SSBP2: variants seen among roughly 807,000 people sequenced by gnomAD.
SSBP2 encodes single-stranded DNA-binding protein 2.
Under a neutral mutation model 61.8 loss-of-function variants are expected in SSBP2, and 17 were observed. That is an observed-to-expected ratio of 0.28 (90% CI 0.19 to 0.41). The LOEUF is 0.41. SSBP2 is among the 10% of genes least tolerant of loss of function. SSBP2 has a pLI of 1.00. For synonymous variants in SSBP2, 139 were observed against 141.3 expected, an observed-to-expected ratio of 0.98 and a Z score of 0.12; for missense variants, 310 against 458.7, an observed-to-expected ratio of 0.68 and a Z score of 2.96.
chr5:81,541,960 A>T (rs1255478262), intron 4 of SSBP2, among the ~76,000 whole-genome samples: 1 of 152,250 alleles, frequency 6.6e-6, no homozygotes, highest in East Asian at 1.9e-4. Flanking sequence ...AAGCAAAGAA[A>T]CTATCAACAG....
chr5:81,592,888 G>A (rs1299678350), intron 4 of SSBP2, among the ~76,000 whole-genome samples: 1 of 152,074 alleles, frequency 6.6e-6, no homozygotes, highest in Non-Finnish European at 1.5e-5. Context: ...ACAAAGATGG[G>A]GAAAAAACAG....
chr5:81,503,783 T>A (rs566445393), intron 5 of SSBP2, among the ~76,000 whole-genome samples: 4 of 152,294 alleles, frequency 2.6e-5, no homozygotes, highest in Admixed American at 6.5e-5. Flanking sequence ...ATATATACCA[T>A]GAAATACTAT....
chr5:81,421,277 G>GGGCTCAGGTGATCCC (rs1408510225), intron 16 of SSBP2, among the ~76,000 whole-genome samples: 25 of 152,114 alleles, frequency 1.6e-4, no homozygotes, highest in Non-Finnish European at 3.5e-4. Flanking sequence ...CTGCAACCCT[G>GGGCTCAGGTGATCCC]ACCTTCCTGG....
At chr5:81,692,676 A>C (rs1385263303) in intron 1 of SSBP2, among the ~76,000 whole-genome samples, 1 of 152,224 alleles carries the variant, frequency 6.6e-6, no homozygotes, top group Non-Finnish European at 1.5e-5. Flanking sequence ...CCAATGAAAC[A>C]GAAAAGAGAA....
intron 4 of SSBP2, among the ~76,000 whole-genome samples, chr5:81,537,812 C>T (rs975133919): frequency 6.6e-6 from 1 of 152,112 alleles, no homozygotes; most frequent in African/African-American, 2.4e-5. Context: ...TGTCCCTCTC[C>T]TCAGGCTTCC....
At chr5:81,566,880 T>C (rs1454561988) in intron 4 of SSBP2, among the ~76,000 whole-genome samples, 1 of 152,182 alleles carries the variant, frequency 6.6e-6, no homozygotes, top group African/African-American at 2.4e-5. Context: ...ACTGGCAGCA[T>C]TTGCCCTTGC....
At position 81,583,239 on chromosome 5, in the gene SSBP2, A is replaced by G. The variant is rs115063659; in HGVS notation, c.282+32234T>C. 6.6e-3 allele frequency among the ~76,000 whole-genome samples: 1,005 copies of G among 152,234 alleles called. 15 individuals carry two copies. The highest frequency in any genetic ancestry group is 0.023 in the African/African-American group (966 of 41,524). ...GTCTCAAAATCAAATCAAATCAAAC[A>G]TAAATAATAAACAAGTATAGGAACT... On this transcript the variant is annotated intron_variant, in intron 4 of 16. Transcript: ENST00000320672.
chr5:81,547,158 C>T (rs1007486481), intron 4 of SSBP2, among the ~76,000 whole-genome samples: 6 of 151,648 alleles, frequency 4.0e-5, no homozygotes, highest in Non-Finnish European at 5.9e-5. Context: ...CCATTGCTGG[C>T]GGAAATGCAA....
chr5:81,560,978 A>G (rs1772999850), intron 4 of SSBP2, among the ~76,000 whole-genome samples: 1 of 152,160 alleles, frequency 6.6e-6, no homozygotes, highest in Non-Finnish European at 1.5e-5. Flanking sequence ...GAACTCAAGA[A>G]AAAAGTGCTC....
intron 4 of SSBP2, among the ~76,000 whole-genome samples, chr5:81,579,750 C>T (rs1774501087): frequency 6.6e-6 from 1 of 152,028 alleles, no homozygotes; most frequent in Non-Finnish European, 1.5e-5. Context: ...GAAATGGAAG[C>T]TGTCAAATAG....
At chr5:81,529,448 G>GATGT (rs1770225305) in intron 4 of SSBP2, among the ~76,000 whole-genome samples, 1 of 152,128 alleles carries the variant, frequency 6.6e-6, no homozygotes, top group Non-Finnish European at 1.5e-5. Flanking sequence ...CTAACACCTT[G>GATGT]ATGTAGCTCA....
At position 81,729,033 on chromosome 5, in the gene SSBP2, T is replaced by C. The variant is rs982961651; in HGVS notation, c.62+21948A>G. On this transcript the variant is annotated intron_variant, in intron 1 of 16. Coordinates refer to ENST00000320672, the MANE Select transcript of SSBP2 (RefSeq NM_012446.5). ...AAAATGATAGGTAAGAGAGGTGATA[T>C]GTTAATTAGCCTGATTTAATCATTC... 3.9e-5 allele frequency among the ~76,000 whole-genome samples: 6 copies of C among 152,322 alleles called. No individual in the cohort carries two copies. The South Asian group carries it at 8.3e-4, about 21-fold the overall frequency.
rs150993817 is a variant in SSBP2, at chr5:81,448,286, A to G, written c.723+504T>C. 2.9e-3 allele frequency among the ~76,000 whole-genome samples: 447 copies of G among 152,332 alleles called. 2 individuals carry two copies. The highest frequency in any genetic ancestry group is 0.011 in the African/African-American group (438 of 41,590). ...GAATTTTTGGAAAATTCTAATGTGT[A>G]CTAAATAGTAATAATGATAAAAATA... On this transcript the variant is annotated intron_variant, in intron 11 of 16. Coordinates refer to ENST00000320672, the MANE Select transcript of SSBP2 (RefSeq NM_012446.5).
At chr5:81,467,101 G>C (rs1453036871) in intron 8 of SSBP2, 36 bp from the exon 9 acceptor site, 1 of 1,434,048 alleles carries the variant, frequency 7.0e-7, no homozygotes. Context: ...CAAAGAGGAG[G>C]GGGGAAAGAA....
intron 4 of SSBP2, among the ~76,000 whole-genome samples, chr5:81,610,780 G>T (rs1250235091): frequency 6.6e-6 from 1 of 152,152 alleles, no homozygotes; most frequent in African/African-American, 2.4e-5. Flanking sequence ...GATCACCTGA[G>T]GTTGGGAGTT....
chr5:81,451,534 G>A (rs886086897), intron 10 of SSBP2, among the ~76,000 whole-genome samples: 5 of 152,004 alleles, frequency 3.3e-5, no homozygotes, highest in African/African-American at 1.2e-4. Flanking sequence ...TCAAGCGATT[G>A]TCCTGCCTCA....
intron 1 of SSBP2, among the ~76,000 whole-genome samples, chr5:81,709,470 T>A (rs1055079025): frequency 6.6e-5 from 10 of 152,000 alleles, no homozygotes; most frequent in African/African-American, 2.4e-4. Flanking sequence ...CAGTTCCTAA[T>A]AATTCCTGAA....
chr5:81,733,880 T>C lies in SSBP2; in HGVS notation c.62+17101A>G, dbSNP rs376672722. On this transcript the variant is annotated intron_variant, in intron 1 of 16. Coordinates refer to ENST00000320672, the MANE Select transcript of SSBP2 (RefSeq NM_012446.5). ...CTTATTTCAAATAGTTAAATGTCCA[T>C]GCATTTAAAGATACAAAACTATTCT... Among the ~76,000 whole-genome samples the C allele has an allele frequency of 2.0e-3, 305 of 152,268 alleles. 2 individuals carry two copies. Among genetic ancestry groups the C allele is most frequent in the African/African-American group, 7.2e-3 (298 of 41,564 alleles).
In SSBP2 at chr5:81,569,773, A is replaced by G. The variant is rs769485676; in HGVS notation, c.282+45700T>C. ...AAAAATCTTCTCACAGGTAGCTGGA[A>G]TAACAGCTGTTGGTGAATAGTCCTA... On this transcript the variant is annotated intron_variant, in intron 4 of 16. Coordinates refer to ENST00000320672, the MANE Select transcript of SSBP2 (RefSeq NM_012446.5). Among the ~76,000 whole-genome samples the G allele has an allele frequency of 1.5e-3, 228 of 152,190 alleles. 1 individual carries two copies. The highest frequency in any genetic ancestry group is 9.1e-4 in the Non-Finnish European group (62 of 68,020).
Sources: allele counts gnomAD v4.1 joint callset (sites outside exome capture counted in the v4.1 genomes callset), GRCh38; gene constraint gnomAD v4.1.1; transcripts MANE v1.5; gene names NCBI Gene and HGNC (gene_info 2026-07-23, HGNC 2026-07-21).